The following BPIFB6 variants were observed in gnomAD, a reference collection of about 807,000 sequenced individuals.
The protein encoded by BPIFB6 is BPI fold-containing family B member 6.
A neutral mutation model predicts 54.7 loss-of-function variants in BPIFB6; 47 were observed. That is an observed-to-expected ratio of 0.86 (90% CI 0.68 to 1.10). BPIFB6 has a LOEUF of 1.10. Ranked by LOEUF, BPIFB6 falls within the 50% of genes least tolerant of loss-of-function variation. The pLI is 0.00. For synonymous variants in BPIFB6, 255 were observed against 225.9 expected (o/e 1.13, Z -1.16); for missense variants, 603 against 564.1 (o/e 1.07, Z -0.70).
chr20:33,043,951 C>T, intron 14 of BPIFB6, 64 bp from the exon 15 acceptor site: 1 of 1,578,950 alleles, frequency 6.3e-7, no homozygotes, highest in Non-Finnish European at 8.7e-7. Flanking sequence ...GGCCCAGTTC[C>T]ATTCCATCCC....
At chr20:33,038,795 A>C (rs1979451260) in intron 8 of BPIFB6, 114 bp from the exon 9 acceptor site, 3 of 986,972 alleles carry the variant, frequency 3.0e-6, no homozygotes, top group African/African-American at 3.2e-5. Context: ...CAGAGCGTTA[A>C]GTATTGTGAT....
rs1434607924 is a variant in BPIFB6, at chr20:33,034,860, AG to A, written c.401del (p.Ser134MetfsTer11). 6.2e-7 allele frequency: 1 copy of A among 1,613,704 alleles called. No individual in the cohort carries two copies. The highest frequency in any genetic ancestry group is 2.2e-5 in the East Asian group (1 of 44,862). On this transcript the variant is annotated frameshift_variant, in exon 4 of 15. Transcript: ENST00000349552. LOFTEE classifies it high-confidence loss of function. ...DEETGLPVFK[S>X]EGCEVILVNV... is the part of the protein sequence containing the mutation. ...GGAGACAGGCCTCCCCGTGTTCAAG[AG>A]TGAGGGCTGTGAGGTCATCCTGGTC...
At chr20:33,034,374 G>A in intron 3 of BPIFB6, 84 bp downstream of exon 3, 1 of 958,040 alleles carries the variant, frequency 1.0e-6, no homozygotes, top group Non-Finnish European at 1.7e-6. Flanking sequence ...AGTGCCTACT[G>A]TGTACCATCT....
chr20:33,043,467 G>T, intron 14 of BPIFB6, 100 bp downstream of exon 14: 1 of 1,131,512 alleles, frequency 8.8e-7, no homozygotes, highest in South Asian at 1.3e-5. Flanking sequence ...GGTAGAGCCT[G>T]GGAGGGCAGG....
chr20:33,042,792 T>C, intron 12 of BPIFB6, 23 bp from the exon 13 acceptor site: 2 of 1,609,962 alleles, frequency 1.2e-6, no homozygotes, highest in Non-Finnish European at 1.7e-6. Context: ...GGAATGTGGA[T>C]GCTTTCTCTT....
intron 11 of BPIFB6, 128 bp from the exon 12 acceptor site, chr20:33,041,842 G>A: frequency 1.3e-6 from 1 of 754,018 alleles, no homozygotes; most frequent in Non-Finnish European, 2.2e-6. Flanking sequence ...TGGTCTGAAG[G>A]CTGTAGAGGG....
At position 33,035,175 on chromosome 20, in the gene BPIFB6, C is replaced by T. The variant is rs372665492; in HGVS notation, c.516+31C>T. 11 of 1,607,278 alleles carry T rather than the reference C, an allele frequency of 6.8e-6. No individual in the cohort carries two copies. In the Admixed American group the frequency reaches 8.3e-5, roughly 12 times the overall value. ...TGACCCAGAGAAAGCCTCCACCCCT[C>T]GTTGCTGGGACTGCTTAGGCCAGGG... is the stretch of plus-strand genomic sequence containing the variant. On this transcript the variant is annotated intron_variant, in intron 5 of 14. Coordinates refer to ENST00000349552, the MANE Select transcript of BPIFB6 (RefSeq NM_174897.2).
chr20:33,037,482 A>AT (rs1979390990), intron 7 of BPIFB6, 80 bp from the exon 8 acceptor site: 3 of 1,422,544 alleles, frequency 2.1e-6, no homozygotes, highest in South Asian at 1.4e-5. Flanking sequence ...CTGGAGCCCC[A>AT]TTTGCTTGGA....
chr20:33,039,628 T>A, intron 10 of BPIFB6, 108 bp downstream of exon 10: 1 of 1,191,808 alleles, frequency 8.4e-7, no homozygotes, highest in Non-Finnish European at 1.2e-6. Context: ...AGGGATCAGT[T>A]AATCTTGATT....
At chr20:33,043,070 C>T (rs1979659099) in intron 13 of BPIFB6, among the ~76,000 whole-genome samples, 192 bp downstream of exon 13, 1 of 152,184 alleles carries the variant, frequency 6.6e-6, no homozygotes, top group Non-Finnish European at 1.5e-5. Context: ...AATGCCTCTC[C>T]CACAATTTGG....
chr20:33,034,850 C>T lies in BPIFB6; in HGVS notation c.390C>T (p.Pro130=), dbSNP rs149891088. Residue 130 remains proline (P), a synonymous_variant, in exon 4 of 15, where the codon CCC becomes CCT. Coordinates refer to ENST00000349552, the MANE Select transcript of BPIFB6 (RefSeq NM_174897.2). ...RLLRDEETGL[P]VFKSEGCEVI... ...TGCGGGATGAGGAGACAGGCCTCCC[C>T]GTGTTCAAGAGTGAGGGCTGTGAGG... The T allele has an allele frequency of 3.0e-4, 480 of 1,613,714 alleles. 1 individual carries two copies. Among genetic ancestry groups the T allele is most frequent in the Non-Finnish European group, 3.8e-4 (454 of 1,179,828 alleles).
At chr20:33,035,711 G>C in intron 6 of BPIFB6, 39 bp downstream of exon 6, 1 of 1,584,892 alleles carries the variant, frequency 6.3e-7, no homozygotes, top group Non-Finnish European at 8.7e-7. Context: ...CCTACCTAGG[G>C]ATATCAGGAT....
At chr20:33,044,088 A>AC (rs1168015707), downstream of BPIFB6, 33 of 1,612,144 alleles carry the variant, frequency 2.0e-5, no homozygotes, top group Non-Finnish European at 2.8e-5. Context: ...CTTACCACCA[A>AC]CCACCTGCAC....
chr20:33,040,735 G>A (rs1979546565), intron 11 of BPIFB6, among the ~76,000 whole-genome samples: 1 of 152,210 alleles, frequency 6.6e-6, no homozygotes, highest in African/African-American at 2.4e-5. Context: ...CTCTCTATAT[G>A]TGAGGCACTG....
In BPIFB6 at chr20:33,043,376, A is replaced by AG; in HGVS notation, c.1329+13dup. On this transcript the variant is annotated intron_variant, in intron 14 of 14. Coordinates refer to ENST00000349552, the MANE Select transcript of BPIFB6 (RefSeq NM_174897.2). ...AGCTGGACATAGTAGAGGTGAGAGGAGGGGCTAGGGGAGGTCATGTCAATC... is the reference window on the plus strand; with the variant it reads ...AGCTGGACATAGTAGAGGTGAGAGGAGGGGGCTAGGGGAGGTCATGTCAATC... 6.2e-7 allele frequency: 1 copy of AG among 1,613,194 alleles called. No homozygotes were observed. Among genetic ancestry groups the AG allele is most frequent in the Non-Finnish European group, 8.5e-7 (1 of 1,179,212 alleles).
chr20:33,039,478 G>A lies in BPIFB6; in HGVS notation c.1032G>A (p.Arg344=), dbSNP rs765273988. 136 of 1,613,870 alleles carry A rather than the reference G, an allele frequency of 8.4e-5. No individual in the cohort carries two copies. The highest frequency in any genetic ancestry group is 1.1e-4 in the Non-Finnish European group (129 of 1,179,938). The change falls in exon 10 of 15, where the codon CGG becomes CGA. Residue 344 remains arginine (R), a synonymous_variant. Transcript: ENST00000349552. ...LHSTLEMFAA[R]WRSKAPMSLF... is the part of the protein sequence containing the mutation. ...GCACCCTGGAGATGTTCGCAGCTCG[G>A]TGGCGGAGCAAGGCTCCAATGTCCC...
At chr20:33,044,051 T>A (rs770356446), downstream of BPIFB6, 1 of 1,614,148 alleles carries the variant, frequency 6.2e-7, no homozygotes, top group East Asian at 2.2e-5. Context: ...GGGCTGACCA[T>A]GGCAGGACTC....
chr20:33,039,584 G>A, intron 10 of BPIFB6, 64 bp downstream of exon 10: 2 of 1,511,090 alleles, frequency 1.3e-6, no homozygotes, highest in East Asian at 2.3e-5. Flanking sequence ...GCTGGAGGAT[G>A]GGATTTTTAG....
chr20:33,041,355 A>C lies in BPIFB6; in HGVS notation c.1143-615A>C, dbSNP rs74787057. Among the ~76,000 whole-genome samples, 690 of 152,234 alleles carry C rather than the reference A, an allele frequency of 4.5e-3. 4 individuals are homozygous for C. The highest frequency in any genetic ancestry group is 0.016 in the African/African-American group (649 of 41,542). On this transcript the variant is annotated intron_variant, in intron 11 of 14. Transcript: ENST00000349552. ...AGGCACACAAATGAACTCCTTGAGA[A>C]TCTATCTCCTTCTTCCTCTTGACTT...
Sources: allele counts gnomAD v4.1 joint callset (sites outside exome capture counted in the v4.1 genomes callset), GRCh38; gene constraint gnomAD v4.1.1; transcripts MANE v1.5; gene names NCBI Gene and HGNC (gene_info 2026-07-23, HGNC 2026-07-21).